Variants in ARAP2 observed in about 807,000 individuals in gnomAD.
ARAP2 encodes the protein arf-GAP with Rho-GAP domain, ANK repeat and PH domain-containing protein 2.
Under a neutral mutation model 194.5 loss-of-function variants are expected in ARAP2, and 148 were observed. That is an observed-to-expected ratio of 0.76 (90% confidence interval 0.67 to 0.87). The LOEUF (loss-of-function observed/expected upper bound fraction) is 0.87. ARAP2 is among the 40% of genes least tolerant of loss of function. The probability of loss-of-function intolerance (pLI) is 0.00; values close to 1 mark genes in which losing one functional copy is unlikely to be tolerated. For synonymous variants in ARAP2, 695 were observed against 683.5 expected (o/e 1.02, Z -0.26); for missense variants, 2,128 against 1,989.7 (o/e 1.07, Z -1.32).
At chr4:36,010,732 G>T (rs1488911150) in intron 9 of ARAP2, among the ~76,000 whole-genome samples, 1 of 151,878 alleles carries the variant, frequency 6.6e-6, no homozygotes, top group African/African-American at 2.4e-5. Context: ...CTTCCCCCTC[G>T]CCTCTAAGAA....
intron 8 of ARAP2, among the ~76,000 whole-genome samples, chr4:36,186,480 T>G (rs1020484293): frequency 6.6e-6 from 1 of 152,182 alleles, no homozygotes; most frequent in African/African-American, 2.4e-5. Flanking sequence ...AAATCTACCA[T>G]AGAATGATTA....
intron 6 of ARAP2, among the ~76,000 whole-genome samples, chr4:36,208,134 T>G (rs1413136996): frequency 6.6e-6 from 1 of 152,034 alleles, no homozygotes; most frequent in African/African-American, 2.4e-5. Flanking sequence ...AGTGATGGGG[T>G]GGCAGGGGAG....
At chr4:36,088,091 C>T (rs1712426049) in intron 28 of ARAP2, among the ~76,000 whole-genome samples, 1 of 152,108 alleles carries the variant, frequency 6.6e-6, no homozygotes, top group African/African-American at 2.4e-5. Context: ...ACTGTCATTA[C>T]TACTACCACC....
intron 19 of ARAP2, among the ~76,000 whole-genome samples, chr4:36,144,033 C>T (rs1728993637): frequency 1.3e-5 from 2 of 151,718 alleles, no homozygotes; most frequent in African/African-American, 4.8e-5. Flanking sequence ...TCCATATCTT[C>T]CATATATGAG....
intron 5 of ARAP2, among the ~76,000 whole-genome samples, chr4:36,038,314 A>G (rs993978145): frequency 8.5e-5 from 13 of 152,218 alleles, no homozygotes; most frequent in Non-Finnish European, 1.5e-4. Context: ...CTTGTCTCAA[A>G]AGACTATAAA....
rs779078305 is a variant in ARAP2, at chr4:36,147,256, A to T, written c.3263+40T>A. 1.3e-5 allele frequency: 20 copies of T among 1,564,144 alleles called. No individual in the cohort carries two copies. The South Asian group carries it at 2.2e-4, about 17-fold the overall frequency. On this transcript the variant is annotated intron_variant, in intron 19 of 32. Coordinates refer to ENST00000303965, the MANE Select transcript of ARAP2 (RefSeq NM_015230.4). Reference sequence around the variant, plus strand: ...CAAAAAACAAAATCCCGCTGCCCAGAGTTGTTGAGATAAGGAATAAAAAGC... The same window carrying T: ...CAAAAAACAAAATCCCGCTGCCCAGTGTTGTTGAGATAAGGAATAAAAAGC...
rs200967274 is a variant in ARAP2, at chr4:36,161,481, C to A, written c.2243G>T (p.Ser748Ile). 1.9e-6 allele frequency: 3 copies of A among 1,613,808 alleles called. No individual in the cohort carries two copies. The highest frequency in any genetic ancestry group is 1.1e-5 in the South Asian group (1 of 91,082). The change falls in exon 12 of 33, where the codon AGC (serine) becomes ATC (isoleucine). Residue 748 changes from serine to isoleucine, a missense_variant. Coordinates refer to ENST00000303965, the MANE Select transcript of ARAP2 (RefSeq NM_015230.4). ...RSLKMDASIW[S>I]NELIELFIVI... ...AGGACTCACCTCGATGAGTTCATTG[C>A]TCCAAATGCTAGCATCCATTTTTAG...
intron 15 of ARAP2, among the ~76,000 whole-genome samples, chr4:36,155,517 C>G (rs1013986739): frequency 6.6e-6 from 1 of 151,906 alleles, no homozygotes; most frequent in African/African-American, 2.4e-5. Flanking sequence ...TTGGCATGTT[C>G]CAGGAATAAG....
intron 28 of ARAP2, among the ~76,000 whole-genome samples, chr4:36,087,972 T>C (rs1712369651): frequency 6.6e-6 from 1 of 152,088 alleles, no homozygotes; most frequent in South Asian, 2.1e-4. Flanking sequence ...AGAGTACCAA[T>C]TTCGTGGGGT....
At chr4:36,216,725 T>C (rs1748012227) in intron 2 of ARAP2, among the ~76,000 whole-genome samples, 1 of 151,808 alleles carries the variant, frequency 6.6e-6, no homozygotes. Context: ...ACTACCCAGC[T>C]GAAAGAAAAA....
At chr4:36,035,088 C>T (rs529418089) in intron 5 of ARAP2, among the ~76,000 whole-genome samples, 127 of 152,050 alleles carry the variant, frequency 8.4e-4, no homozygotes, top group Middle Eastern at 3.4e-3. Flanking sequence ...ATCAGGATGA[C>T]GCTGGCCTCA....
chr4:36,159,723 ATTGT>A (rs1733470703), intron 13 of ARAP2: 1 of 354,086 alleles, frequency 2.8e-6, no homozygotes, highest in African/African-American at 2.1e-5. Context: ...GTCTCAATTC[ATTGT>A]TTGGTTGCTA....
intron 7 of ARAP2, chr4:36,015,752 C>A (rs1715669161): frequency 6.6e-6 from 1 of 152,166 alleles, no homozygotes; most frequent in South Asian, 2.1e-4. Context: ...AAAATAGATT[C>A]TACCTCTTGA....
At chr4:36,087,535 T>C (rs1472196428) in intron 28 of ARAP2, among the ~76,000 whole-genome samples, 1 of 152,048 alleles carries the variant, frequency 6.6e-6, no homozygotes, top group African/African-American at 2.4e-5. Flanking sequence ...AAGATGATCC[T>C]TTCAAAAAGA....
chr4:36,064,669 C>G (rs776810456), downstream of ARAP2, among the ~76,000 whole-genome samples: 1 of 152,162 alleles, frequency 6.6e-6, no homozygotes, highest in Non-Finnish European at 1.5e-5. Flanking sequence ...AGGGACAGGT[C>G]AGGATAGGAG....
chr4:36,018,240 T>C (rs1716234803), intron 6 of ARAP2, among the ~76,000 whole-genome samples: 1 of 152,140 alleles, frequency 6.6e-6, no homozygotes, highest in Non-Finnish European at 1.5e-5. Flanking sequence ...ACTGAGGTCA[T>C]GAGTTTCAAG....
chr4:36,192,370 GTCC>G (rs1742122800), intron 7 of ARAP2, among the ~76,000 whole-genome samples: 1 of 152,040 alleles, frequency 6.6e-6, no homozygotes, highest in Non-Finnish European at 1.5e-5. Flanking sequence ...AACGTGAGAG[GTCC>G]TCATCTCTTC....
intron 28 of ARAP2, among the ~76,000 whole-genome samples, chr4:36,090,029 GAA>G (rs897694608): frequency 6.6e-6 from 1 of 151,854 alleles, no homozygotes; most frequent in African/African-American, 2.4e-5. Flanking sequence ...GACTAATAAA[GAA>G]GAGAGAATAT....
At chr4:36,213,049 A>T (rs1578297174) in intron 4 of ARAP2, among the ~76,000 whole-genome samples, 194 bp downstream of exon 4, 1 of 152,188 alleles carries the variant, frequency 6.6e-6, no homozygotes, top group East Asian at 1.9e-4. Context: ...CATAATAAAC[A>T]TGTGTTCCTA....
Sources: gnomAD v4.1 joint callset for allele counts (sites outside exome capture counted in the v4.1 genomes callset) on GRCh38, gnomAD v4.1.1 for gene constraint, MANE v1.5 for transcripts, NCBI Gene and HGNC (gene_info 2026-07-23, HGNC 2026-07-21) for gene names.